DPYSL2: variants seen among roughly 807,000 people sequenced by gnomAD.
DPYSL2 encodes dihydropyrimidinase-related protein 2.
Under a neutral mutation model 69.9 loss-of-function variants are expected in DPYSL2, and 13 were observed. That is an observed-to-expected ratio of 0.19 (90% CI 0.12 to 0.30). The LOEUF is 0.30. Ranked by LOEUF, DPYSL2 falls within the 10% of genes least tolerant of loss-of-function variation. DPYSL2 has a pLI of 1.00. For missense variants in DPYSL2, 587 were observed against 918.9 expected (o/e 0.64, Z 4.67); for synonymous variants, 326 against 359.1 (o/e 0.91, Z 1.04).
intron 1 of DPYSL2, among the ~76,000 whole-genome samples, chr8:26,539,026 G>T (rs990509006): frequency 6.6e-6 from 1 of 152,120 alleles, no homozygotes; most frequent in African/African-American, 2.4e-5. Flanking sequence ...AGTGTCTGTT[G>T]TTCCCATCTT....
At position 26,636,717 on chromosome 8, in the gene DPYSL2, G is replaced by T. The variant is rs147527011; in HGVS notation, c.1126+1817G>T. On this transcript the variant is annotated intron_variant, in intron 8 of 13. Coordinates refer to ENST00000521913, the MANE Select transcript of DPYSL2 (RefSeq NM_001197293.3). ...TATTACCCCAACTCAGTGCCTGGTA[G>T]CCCCCGTTGTTGTTTTTTTTAATTT... Among the ~76,000 whole-genome samples, 246 of 152,030 alleles carry T rather than the reference G, an allele frequency of 1.6e-3. 4 individuals carry two copies. The East Asian group carries it at 0.023, about 14-fold the overall frequency.
rs999263668 is a variant in DPYSL2 at position 26,516,353 on chromosome 8, A to G, written c.354+1674A>G. Among the ~76,000 whole-genome samples, 11 of 152,338 alleles carry G rather than the reference A, an allele frequency of 7.2e-5. No homozygotes were observed. The highest frequency in any genetic ancestry group is 2.6e-4 in the African/African-American group (11 of 41,574). On this transcript the variant is annotated intron_variant, in intron 1 of 13. Coordinates refer to ENST00000521913, the MANE Select transcript of DPYSL2 (RefSeq NM_001197293.3). This position sits in a 1 kb window ranked among gnomAD's most constrained non-coding sequence, Gnocchi z 4.8. ...AGTACATTGAGTGAGGGCCAAAATC[A>G]TATAGCATCTTGGTTGAGTGAGTAG...
chr8:26,645,427 G>C (rs1803140982), intron 10 of DPYSL2, among the ~76,000 whole-genome samples: 1 of 151,890 alleles, frequency 6.6e-6, no homozygotes, highest in South Asian at 2.1e-4. Context: ...AATAATATTG[G>C]CATCATACAT....
intron 3 of DPYSL2, among the ~76,000 whole-genome samples, chr8:26,623,007 T>C (rs975404657): frequency 1.3e-5 from 2 of 152,244 alleles, no homozygotes; most frequent in African/African-American, 4.8e-5. Context: ...TGATTTGACC[T>C]TGGACAAATC....
chr8:26,627,916 A>G lies in DPYSL2; in HGVS notation c.981A>G (p.Gly327=), dbSNP rs1203626594. ...ATCTGGGCATCACGGGCCCCGAGGG[A>G]CATGTGCTGAGCCGACCTGAGGAGG... is the stretch of plus-strand genomic sequence containing the variant. The part of the protein sequence containing the change: ...ILDLGITGPE[G]HVLSRPEEVE... The change falls in exon 7 of 14, where the codon GGA becomes GGG. Residue 327 remains glycine, a synonymous_variant. Transcript: ENST00000521913. This position sits in a 1 kb window ranked among gnomAD's most constrained non-coding sequence, Gnocchi z 6.9. The G allele has an allele frequency of 1.2e-6, 2 of 1,613,940 alleles. No homozygotes were observed. The highest frequency in any genetic ancestry group is 3.3e-5 in the Admixed American group (2 of 60,018).
intron 1 of DPYSL2, among the ~76,000 whole-genome samples, chr8:26,575,881 C>G (rs1002920834): frequency 2.0e-5 from 3 of 152,168 alleles, no homozygotes; most frequent in Admixed American, 6.5e-5. Context: ...ATAGGACACT[C>G]CTCTCCACTG....
chr8:26,536,010 T>A (rs184878044), intron 1 of DPYSL2, among the ~76,000 whole-genome samples: 105 of 151,088 alleles, frequency 6.9e-4, no homozygotes, highest in African/African-American at 2.5e-3. Flanking sequence ...CAGCCCCAAC[T>A]TCCCAGGCTC....
chr8:26,607,806 G>A (rs1401482132), intron 3 of DPYSL2, among the ~76,000 whole-genome samples: 3 of 151,886 alleles, frequency 2.0e-5, no homozygotes, highest in Non-Finnish European at 1.5e-5. Context: ...TCGGCTGGGT[G>A]TGGTGGCTAA....
intron 1 of DPYSL2, among the ~76,000 whole-genome samples, chr8:26,570,758 A>G (rs1283854078): frequency 6.6e-6 from 1 of 151,244 alleles, no homozygotes; most frequent in African/African-American, 2.4e-5. Context: ...AAAAAAAAAA[A>G]AAAAAAGAAC....
intron 7 of DPYSL2, among the ~76,000 whole-genome samples, chr8:26,629,936 C>T (rs1330178961): frequency 2.0e-5 from 3 of 151,984 alleles, no homozygotes; most frequent in Non-Finnish European, 4.4e-5. Context: ...CACAGATCCA[C>T]GTGCACAAGC....
At position 26,587,260 on chromosome 8, in the gene DPYSL2, TG is replaced by T. The variant is rs1272581436; in HGVS notation, c.628+3281del. Among the ~76,000 whole-genome samples, 1 of 152,226 alleles carries T rather than the reference TG, an allele frequency of 6.6e-6. No homozygotes were observed. The highest frequency in any genetic ancestry group is 2.4e-5 in the African/African-American group (1 of 41,460). ...TATATTGAGTCCAGAAAGAAATGCC[TG>T]GGGCACTTTGAAAACTTCACAGGCC... On this transcript the variant is annotated intron_variant, in intron 3 of 13. Coordinates refer to ENST00000521913, the MANE Select transcript of DPYSL2 (RefSeq NM_001197293.3). This position sits in a 1 kb window ranked among gnomAD's most constrained non-coding sequence, Gnocchi z 4.2.
At chr8:26,531,698 G>A (rs1563376755) in intron 1 of DPYSL2, among the ~76,000 whole-genome samples, 2 of 152,182 alleles carry the variant, frequency 1.3e-5, no homozygotes, top group Non-Finnish European at 2.9e-5. Context: ...GCTTAATAAA[G>A]GGCGATTTTA....
At position 26,617,518 on chromosome 8, in the gene DPYSL2, A is replaced by G. The variant is rs1327851974; in HGVS notation, c.629-6625A>G. Reference sequence around the variant, plus strand: ...TCAACAAAAGAAAAAGGATAAAAGAAAAAAAAATTAAAAGTAGGGTCATTT... The same window carrying G: ...TCAACAAAAGAAAAAGGATAAAAGAGAAAAAAATTAAAAGTAGGGTCATTT... On this transcript the variant is annotated intron_variant, in intron 3 of 13. Coordinates refer to ENST00000521913, the MANE Select transcript of DPYSL2 (RefSeq NM_001197293.3). The surrounding 1 kb of genome is among the most constrained non-coding windows in gnomAD (Gnocchi z 4.7). Among the ~76,000 whole-genome samples the G allele has an allele frequency of 6.6e-6, 1 of 152,122 alleles. No individual in the cohort carries two copies. Among genetic ancestry groups the G allele is most frequent in the Non-Finnish European group, 1.5e-5 (1 of 68,018 alleles).
chr8:26,578,557 C>T, intron 1 of DPYSL2: 1 of 1,374,588 alleles, frequency 7.3e-7, no homozygotes, highest in Non-Finnish European at 9.4e-7. Context: ...CCCGGTCTAT[C>T]TTTTATTGTC....
chr8:26,607,189 T>G (rs1802125056), intron 3 of DPYSL2, among the ~76,000 whole-genome samples: 1 of 152,152 alleles, frequency 6.6e-6, no homozygotes, highest in African/African-American at 2.4e-5. Flanking sequence ...ATATAGTCAT[T>G]AAAATTTATT....
Position 26,627,141 on chromosome 8 carries a change from T to TGGGGAGATGATTGTCTTTGTGAAC in DPYSL2, c.856-73_856-50dup. On this transcript the variant is annotated intron_variant, in intron 5 of 13. Transcript: ENST00000521913. This position sits in a 1 kb window ranked among gnomAD's most constrained non-coding sequence, Gnocchi z 6.9. Reference sequence around the variant, plus strand: ...TTTCTCATCCCAGAAATGCCTCTGGTGGGGAGATGATTGTCTTTGTGAACA... The same window carrying TGGGGAGATGATTGTCTTTGTGAAC: ...TTTCTCATCCCAGAAATGCCTCTGGTGGGGAGATGATTGTCTTTGTGAACGGGGAGATGATTGTCTTTGTGAACA... 7.2e-7 allele frequency: 1 copy of TGGGGAGATGATTGTCTTTGTGAAC among 1,395,382 alleles called. No homozygotes were observed. Among genetic ancestry groups the TGGGGAGATGATTGTCTTTGTGAAC allele is most frequent in the Non-Finnish European group, 1.0e-6 (1 of 983,846 alleles). 86.4% of individuals were successfully genotyped at this position (1,395,382 alleles called of 1,614,324 possible).
chr8:26,599,802 TA>T (rs1252345166), intron 3 of DPYSL2, among the ~76,000 whole-genome samples: 6 of 152,298 alleles, frequency 3.9e-5, no homozygotes, highest in Non-Finnish European at 4.4e-5. Context: ...TGAAAGTGTA[TA>T]ACTCAGTGCT....
intron 3 of DPYSL2, among the ~76,000 whole-genome samples, chr8:26,622,102 C>CTTCCTTCCTTCT (rs1802497081): frequency 2.8e-5 from 1 of 36,034 alleles, no homozygotes; most frequent in Non-Finnish European, 7.5e-5. Flanking sequence ...TCCTTCCTTC[C>CTTCCTTCCTTCT]TTCCTTCCTT....
chr8:26,543,577 T>C (rs7017784), intron 1 of DPYSL2, among the ~76,000 whole-genome samples: 68,659 of 151,524 alleles, frequency 0.45, 16,440 homozygotes, highest in African/African-American at 0.62. Context: ...AACCTCTGCC[T>C]CCAGGGTTCA....
Sources: gnomAD v4.1 joint callset for allele counts (sites outside exome capture counted in the v4.1 genomes callset) on GRCh38, gnomAD v4.1.1 for gene constraint, Gnocchi (gnomAD v3.1) non-coding constraint, MANE v1.5 for transcripts, NCBI Gene and HGNC (gene_info 2026-07-23, HGNC 2026-07-21) for gene names.